Variants in IFT122 observed in about 807,000 individuals in gnomAD.
IFT122 encodes the protein intraflagellar transport 122.
In IFT122, 118 loss-of-function variants were observed where a neutral mutation model predicts 161.6. The ratio of observed to expected loss-of-function variants is 0.73; its 90% CI spans 0.63 to 0.85. The LOEUF (loss-of-function observed/expected upper bound fraction) is 0.85. IFT122 is among the 40% of genes least tolerant of loss of function. IFT122 has a pLI of 0.00. For synonymous variants in IFT122, 550 were observed against 602.4 expected (o/e 0.91, Z 1.27); for missense variants, 1,381 against 1,579.6 (o/e 0.87, Z 2.13).
In IFT122 at chr3:129,481,292, G is replaced by C. The variant is rs1225031417; in HGVS notation, c.1489-238G>C. 6 of 504,338 alleles carry C rather than the reference G, an allele frequency of 1.2e-5. No homozygotes were observed. The East Asian group carries it at 2.3e-4, about 20-fold the overall frequency. The allele number at this position is 504,338 out of a possible 1,614,324, so 31.2% of individuals were successfully genotyped here. ...ACAGACACTGAAGTGAGCTCGGCCTGTCTCAGGGCTGTCATTACTTCTGCA... is the reference window on the plus strand; with the variant it reads ...ACAGACACTGAAGTGAGCTCGGCCTCTCTCAGGGCTGTCATTACTTCTGCA... On this transcript the variant is annotated intron_variant, in intron 13 of 29. Coordinates refer to ENST00000348417, the MANE Select transcript of IFT122 (RefSeq NM_052989.3).
At position 129,517,274 on chromosome 3, in the gene IFT122, A is replaced by G. The variant is rs9855711; in HGVS notation, c.3266-195A>G. Among the ~76,000 whole-genome samples the G allele has an allele frequency of 0.014, 1,852 of 129,146 alleles. 36 individuals carry two copies. The highest frequency in any genetic ancestry group is 0.052 in the African/African-American group (1,654 of 31,610). The allele number at this position is 129,146 out of a possible 152,430, so 84.7% of individuals were successfully genotyped here. Reference sequence around the variant, plus strand: ...ACACACACACATTGCTCCTGCACACACACACACACACACACACACACACAC... The same window carrying G: ...ACACACACACATTGCTCCTGCACACGCACACACACACACACACACACACAC... On this transcript the variant is annotated intron_variant, in intron 26 of 29. Coordinates refer to ENST00000348417, the MANE Select transcript of IFT122 (RefSeq NM_052989.3).
At chr3:129,507,121 G>A (rs1008011623) in intron 22 of IFT122, among the ~76,000 whole-genome samples, 1 of 152,184 alleles carries the variant, frequency 6.6e-6, no homozygotes. Flanking sequence ...AGCTCTGCAT[G>A]CCCATCTGTC....
chr3:129,501,297 C>G (rs1191626586), intron 19 of IFT122, among the ~76,000 whole-genome samples: 1 of 152,144 alleles, frequency 6.6e-6, no homozygotes, highest in Non-Finnish European at 1.5e-5. Context: ...GCTGTTGATT[C>G]TTCTGGAAAC....
At chr3:129,494,212 GTTTGTTTT>G (rs1428793664) in intron 17 of IFT122, among the ~76,000 whole-genome samples, 1 of 136,710 alleles carries the variant, frequency 7.3e-6, no homozygotes, top group African/African-American at 2.7e-5. Flanking sequence ...TTGTTTGTTT[GTTTGTTTT>G]TTTTTTGCAG....
intron 17 of IFT122, among the ~76,000 whole-genome samples, chr3:129,495,170 C>T (rs373454581): frequency 3.9e-5 from 6 of 152,156 alleles, no homozygotes; most frequent in South Asian, 2.1e-4. Flanking sequence ...CCGTCATAGC[C>T]TTGGAATACA....
At chr3:129,512,817 G>T (rs757251769) in intron 24 of IFT122, 1 of 258,492 alleles carries the variant, frequency 3.9e-6, no homozygotes, top group South Asian at 4.6e-5. Flanking sequence ...TGTGCCCCAA[G>T]CCCTGGGCCA....
intron 7 of IFT122, among the ~76,000 whole-genome samples, chr3:129,465,654 G>GT (rs1577422395): frequency 9.1e-5 from 4 of 44,060 alleles, no homozygotes; most frequent in South Asian, 8.0e-4. Flanking sequence ...TTTTTTTTTT[G>GT]AGACGGAGTC....
At chr3:129,506,753 G>T (rs2082232990) in intron 22 of IFT122, among the ~76,000 whole-genome samples, 2 of 152,182 alleles carry the variant, frequency 1.3e-5, no homozygotes, top group South Asian at 2.1e-4. Flanking sequence ...CCGTCCTGGG[G>T]TTATGGTTGG....
rs188402857 is a variant in IFT122, at chr3:129,506,502, C to T, written c.2744C>T (p.Ala915Val). 1 of 1,614,208 alleles carries T rather than the reference C, an allele frequency of 6.2e-7. No individual in the cohort carries two copies. Among genetic ancestry groups the T allele is most frequent in the African/African-American group, 1.3e-5 (1 of 75,036 alleles). Reference sequence around the variant, plus strand: ...GCGGAGAGCAGGTTTAATGATGCTGCCTATTATTACTGGATGCTGTCCATG... The same window carrying T: ...GCGGAGAGCAGGTTTAATGATGCTGTCTATTATTACTGGATGCTGTCCATG... ...AVAESRFNDAAYYYWMLSMQC... is the reference protein window; with the variant it reads ...AVAESRFNDAVYYYWMLSMQC... Residue 915 changes from alanine (A) to valine (V), a missense_variant, in exon 22 of 30, where the codon GCC becomes GTC. Transcript: ENST00000348417.
At chr3:129,472,707 A>G (rs1255925630) in intron 9 of IFT122, among the ~76,000 whole-genome samples, 1 of 150,036 alleles carries the variant, frequency 6.7e-6, no homozygotes, top group Non-Finnish European at 1.5e-5. Context: ...CTCTAATTAC[A>G]CTTACATTAG....
chr3:129,444,015 T>TA (rs2107818460), intron 1 of IFT122, among the ~76,000 whole-genome samples: 1 of 152,312 alleles, frequency 6.6e-6, no homozygotes, highest in South Asian at 2.1e-4. Context: ...AGGATGACTT[T>TA]AGATGAGAGG....
intron 4 of IFT122, chr3:129,460,782 G>T: frequency 8.2e-7 from 1 of 1,219,306 alleles, no homozygotes; most frequent in Non-Finnish European, 1.2e-6. Context: ...GACTAAAACG[G>T]GTTGAGACGC....
rs773269692 is a variant in IFT122 at position 129,500,034 on chromosome 3, A to G, written c.2341A>G (p.Ile781Val). 10 of 1,614,106 alleles carry G rather than the reference A, an allele frequency of 6.2e-6. No homozygotes were observed. The highest frequency in any genetic ancestry group is 8.5e-6 in the Non-Finnish European group (10 of 1,180,042). Residue 781 changes from isoleucine to valine, a missense_variant, in exon 19 of 30, where the codon ATC (isoleucine) becomes GTC (valine). Physicochemically the swap from Ile to Val is conservative, Grantham distance 29. Around this residue, in one of 7 missense-constraint regions of IFT122, gnomAD observed 496 missense variants for 502.5 expected, o/e 0.99. Transcript: ENST00000348417. ...CTCAGCAGGAGAGCACGTCAAGGCC[A>G]TCGAGATCTGTGGTGACCATGGCTG... is the stretch of plus-strand genomic sequence containing the variant. Reference protein sequence around the residue: ...YISAGEHVKAIEICGDHGWVD... With the variant: ...YISAGEHVKAVEICGDHGWVD...
chr3:129,519,384 G>T (rs1458433711), intron 28 of IFT122, among the ~76,000 whole-genome samples, 184 bp from the exon 29 acceptor site: 2 of 152,230 alleles, frequency 1.3e-5, no homozygotes, highest in African/African-American at 2.4e-5. Context: ...GGCCAAGGGC[G>T]CAGGTCTGTG....
chr3:129,505,932 A>G (rs1010644463), intron 21 of IFT122, among the ~76,000 whole-genome samples: 4 of 152,156 alleles, frequency 2.6e-5, no homozygotes, highest in African/African-American at 7.2e-5. Context: ...CATTGCTCAT[A>G]AAAAGGGGGA....
intron 21 of IFT122, among the ~76,000 whole-genome samples, chr3:129,505,807 T>C (rs1578045478): frequency 6.6e-6 from 1 of 152,220 alleles, no homozygotes; most frequent in Admixed American, 6.5e-5. Context: ...CTGAGGCAGA[T>C]CCTTCAAAGT....
At chr3:129,463,249 C>CTGT in intron 5 of IFT122, 1 of 320,936 alleles carries the variant, frequency 3.1e-6, no homozygotes, top group Non-Finnish European at 6.0e-6. Context: ...TGTAGATTGC[C>CTGT]ATCAGCGTGA....
In IFT122 at chr3:129,513,872, G is replaced by C; in HGVS notation, c.2988-517G>C. The C allele has an allele frequency of 1.6e-5, 4 of 248,362 alleles. No individual in the cohort carries two copies. In the South Asian group the frequency reaches 1.6e-4, roughly 10 times the overall value. The allele number at this position is 248,362 out of a possible 1,614,324, so 15.4% of individuals were successfully genotyped here. On this transcript the variant is annotated intron_variant, in intron 24 of 29. Transcript: ENST00000348417. ...CAGCCTCTGGCTGAGGAGCTTCAAG[G>C]GGGCCCCAGAGCACAGGCTGCCGCT...
At chr3:129,484,694 T>C (rs1169490187) in intron 15 of IFT122, among the ~76,000 whole-genome samples, 1 of 152,236 alleles carries the variant, frequency 6.6e-6, no homozygotes, top group Non-Finnish European at 1.5e-5. Context: ...TATGAAGTGC[T>C]GGCTGTACAC....
Sources: gnomAD v4.1 joint callset for allele counts (sites outside exome capture counted in the v4.1 genomes callset) on GRCh38, gnomAD v4.1.1 for gene constraint, gnomAD v4.1.1 regional missense constraint, MANE v1.5 for transcripts, NCBI Gene and HGNC (gene_info 2026-07-23, HGNC 2026-07-21) for gene names.